The following LONP2 variants were observed in gnomAD, a reference collection of about 807,000 sequenced individuals.
LONP2 encodes lon protease homolog 2, peroxisomal.
Under a neutral mutation model 85.6 loss-of-function variants are expected in LONP2, and 60 were observed. The ratio of observed to expected loss-of-function variants is 0.70; its 90% confidence interval spans 0.57 to 0.87. LONP2 has a LOEUF of 0.87. Ranked by LOEUF, LONP2 falls within the 40% of genes least tolerant of loss-of-function variation. The pLI is 0.00. For synonymous variants in LONP2, 395 were observed against 389.7 expected (o/e 1.01, Z -0.16); for missense variants, 860 against 1,063.5 (o/e 0.81, Z 2.66).
At chr16:48,258,814 A>C (rs1596914272) in intron 4 of LONP2, 74 bp downstream of exon 4, 3 of 1,381,046 alleles carry the variant, frequency 2.2e-6, no homozygotes, top group South Asian at 3.1e-5. Context: ...AAAGAAGAAA[A>C]GTTTATTGTC....
At chr16:48,344,441 G>A (rs1404917691) in intron 12 of LONP2, 1 of 152,164 alleles carries the variant, frequency 6.6e-6, no homozygotes. Context: ...CAGAACACTT[G>A]TTATCAAGTC....
In LONP2 at chr16:48,355,664, C is replaced by T. The variant is rs546558698; in HGVS notation, c.*3862C>T. 1.6e-4 allele frequency: 25 copies of T among 152,276 alleles called. No individual in the cohort carries two copies. Among genetic ancestry groups the T allele is most frequent in the African/African-American group, 6.0e-4 (25 of 41,558 alleles). The allele number at this position is 152,276 out of a possible 1,614,324, so 9.4% of individuals were successfully genotyped here. On this transcript the variant is annotated 3_prime_UTR_variant, in exon 15 of 15. Coordinates refer to ENST00000285737, the MANE Select transcript of LONP2 (RefSeq NM_031490.5). ...TGTTCCAGTTTCTCCACATCCTTGC[C>T]AGCACTCATTTTCTGGGTTTTTTAT... is the stretch of plus-strand genomic sequence containing the variant.
Position 48,270,289 on chromosome 16 carries a change from TCA to T in LONP2, c.1241+16_1241+17del. On this transcript the variant is annotated intron_variant, in intron 7 of 14. Coordinates refer to ENST00000285737, the MANE Select transcript of LONP2 (RefSeq NM_031490.5). ...CGAGGACACAGGTAGAACACTTCTCTCAGTTTAATCTCTGATTCCTCTTTCTT... is the reference window on the plus strand; with the variant it reads ...CGAGGACACAGGTAGAACACTTCTCTGTTTAATCTCTGATTCCTCTTTCTT... The T allele has an allele frequency of 6.2e-7, 1 of 1,611,018 alleles. No individual in the cohort carries two copies. The highest frequency in any genetic ancestry group is 8.5e-7 in the Non-Finnish European group (1 of 1,177,898).
In LONP2 at chr16:48,277,407, A is replaced by G. The variant is rs780799531; in HGVS notation, c.1311A>G (p.Pro437=). The change falls in exon 8 of 15, where the codon CCA becomes CCG. Residue 437 remains proline (P), a synonymous_variant. Transcript: ENST00000285737. ...NGLKTVGVNN[P]VFLLDEVDKL... is the part of the protein sequence containing the mutation. Reference sequence around the variant, plus strand: ...TGAAGACTGTGGGAGTGAACAACCCAGTGTTCCTATTAGATGAGGTTGACA... The same window carrying G: ...TGAAGACTGTGGGAGTGAACAACCCGGTGTTCCTATTAGATGAGGTTGACA... 1.9e-6 allele frequency: 3 copies of G among 1,613,734 alleles called. No homozygotes were observed. In the African/African-American group the frequency reaches 4.0e-5, roughly 22 times the overall value.
intron 7 of LONP2, among the ~76,000 whole-genome samples, chr16:48,274,675 C>G (rs1185697480): frequency 6.6e-6 from 1 of 151,868 alleles, no homozygotes; most frequent in Non-Finnish European, 1.5e-5. Context: ...CCCACACCCA[C>G]ACCCACACAT....
At chr16:48,330,534 A>G (rs1415010229) in intron 11 of LONP2, among the ~76,000 whole-genome samples, 2 of 152,240 alleles carry the variant, frequency 1.3e-5, no homozygotes, top group African/African-American at 2.4e-5. Flanking sequence ...AGGTGCACAT[A>G]TAACCGGGGG....
chr16:48,339,131 A>G (rs1959741931), intron 12 of LONP2, among the ~76,000 whole-genome samples: 1 of 152,180 alleles, frequency 6.6e-6, no homozygotes, highest in Non-Finnish European at 1.5e-5. Context: ...GAAGAACAGC[A>G]TTATTTAGGG....
chr16:48,300,997 T>A (rs1972792635), intron 10 of LONP2, among the ~76,000 whole-genome samples: 1 of 152,212 alleles, frequency 6.6e-6, no homozygotes, highest in African/African-American at 2.4e-5. Flanking sequence ...TTTTTATGTA[T>A]ACTTGTTAAC....
intron 6 of LONP2, among the ~76,000 whole-genome samples, chr16:48,266,057 G>A (rs1596923004): frequency 6.6e-6 from 1 of 152,056 alleles, no homozygotes; most frequent in African/African-American, 2.4e-5. Context: ...AGGCTGGAGT[G>A]CAGTGGCATG....
rs1960235254 is a variant in LONP2 at position 48,353,847 on chromosome 16, C to G, written c.*2045C>G. The G allele has an allele frequency of 2.0e-5, 3 of 152,176 alleles. No homozygotes were observed. The highest frequency in any genetic ancestry group is 6.6e-5 in the Admixed American group (1 of 15,260). 9.4% of individuals were successfully genotyped at this position (152,176 alleles called of 1,614,324 possible). A position where few individuals can be genotyped will look rare whatever the true frequency, so the allele number is the denominator to read the frequency against. ...CGGTATTCTTCCTTTAGTCCTGACA[C>G]AGGCAGCCTTGCACTTTGTAGCAGC... On this transcript the variant is annotated 3_prime_UTR_variant, in exon 15 of 15. Transcript: ENST00000285737.
At chr16:48,258,542 A>G (rs1399000155) in intron 3 of LONP2, 76 bp from the exon 4 acceptor site, 1 of 1,449,196 alleles carries the variant, frequency 6.9e-7, no homozygotes, top group Non-Finnish European at 9.2e-7. Flanking sequence ...GGCAATTTAA[A>G]CCATGGCTCT....
intron 7 of LONP2, 83 bp from the exon 8 acceptor site, chr16:48,277,255 C>T (rs2150982226): frequency 1.5e-6 from 2 of 1,356,142 alleles, no homozygotes; most frequent in South Asian, 2.7e-5. Flanking sequence ...GATCTTTTCA[C>T]ATTCCTAAGT....
chr16:48,260,483 C>T (rs1971851913), intron 4 of LONP2, among the ~76,000 whole-genome samples: 1 of 152,116 alleles, frequency 6.6e-6, no homozygotes, highest in Non-Finnish European at 1.5e-5. Context: ...TCTGTAGTCC[C>T]AGCTATTTAG....
intron 8 of LONP2, among the ~76,000 whole-genome samples, chr16:48,294,422 A>T (rs1972625087): frequency 6.6e-6 from 1 of 152,242 alleles, no homozygotes; most frequent in South Asian, 2.1e-4. Context: ...AGTTTCCAGT[A>T]ATAATTAATG....
chr16:48,244,692 G>A lies in LONP2; in HGVS notation c.233+71G>A. 3 of 1,124,614 alleles carry A rather than the reference G, an allele frequency of 2.7e-6. No homozygotes were observed. In the South Asian group the frequency reaches 7.1e-5, roughly 27 times the overall value. The allele number at this position is 1,124,614 out of a possible 1,614,324, so 69.7% of individuals were successfully genotyped here. A position where few individuals can be genotyped will look rare whatever the true frequency, so the allele number is the denominator to read the frequency against. ...TCCGGGGACCTGGGCCCAGGCCACG[G>A]CCTGCCTTGAGCGCGAGGCTCAGTT... On this transcript the variant is annotated intron_variant, in intron 1 of 14. Coordinates refer to ENST00000285737, the MANE Select transcript of LONP2 (RefSeq NM_031490.5).
chr16:48,342,648 T>G (rs1959849429), intron 12 of LONP2, among the ~76,000 whole-genome samples: 1 of 152,182 alleles, frequency 6.6e-6, no homozygotes, highest in Non-Finnish European at 1.5e-5. Context: ...CCCCAACACC[T>G]CTCCAAGGGA....
At chr16:48,332,301 C>T (rs138249090) in intron 11 of LONP2, among the ~76,000 whole-genome samples, 2 of 152,254 alleles carry the variant, frequency 1.3e-5, no homozygotes, top group East Asian at 1.9e-4. Context: ...TATTGCTGGA[C>T]GTGGTGGCTC....
intron 11 of LONP2, among the ~76,000 whole-genome samples, chr16:48,310,935 CA>C (rs1386655122): frequency 6.6e-6 from 1 of 152,166 alleles, no homozygotes; most frequent in East Asian, 1.9e-4. Context: ...TAGCAGGATA[CA>C]AAATTCGAGT....
At chr16:48,256,407 A>G (rs1265549122) in intron 2 of LONP2, among the ~76,000 whole-genome samples, 1 of 152,218 alleles carries the variant, frequency 6.6e-6, no homozygotes, top group Non-Finnish European at 1.5e-5. Flanking sequence ...CTTTTAAGCC[A>G]TTATTGCTTT....
Sources: allele counts gnomAD v4.1 joint callset (sites outside exome capture counted in the v4.1 genomes callset), GRCh38; gene constraint gnomAD v4.1.1; transcripts MANE v1.5; gene names NCBI Gene and HGNC (gene_info 2026-07-23, HGNC 2026-07-21).